Variants in FLT3 observed in about 807,000 individuals in gnomAD.
FLT3 encodes receptor-type tyrosine-protein kinase FLT3.
A neutral mutation model predicts 126.6 loss-of-function variants in FLT3; 46 were observed. The observed-to-expected ratio is 0.36, with a 90% CI of 0.29 to 0.46. FLT3 has a LOEUF of 0.46. Ranked by LOEUF, FLT3 falls within the 20% of genes least tolerant of loss-of-function variation. The pLI, the probability that FLT3 is intolerant of heterozygous loss-of-function variation, is 1.00. For missense variants in FLT3, 1,069 were observed against 1,190.3 expected, an observed-to-expected ratio of 0.90 and a Z score of 1.50; for synonymous variants, 404 against 434.4, an observed-to-expected ratio of 0.93 and a Z score of 0.87.
chr13:28,041,477 T>G (rs1874374358), intron 9 of FLT3, among the ~76,000 whole-genome samples: 1 of 152,220 alleles, frequency 6.6e-6, no homozygotes, highest in Admixed American at 6.5e-5. Context: ...GCTGTCTTAA[T>G]AGAGTGTGGT....
intron 4 of FLT3, among the ~76,000 whole-genome samples, chr13:28,054,306 T>G (rs1875810424): frequency 6.6e-6 from 1 of 152,154 alleles, no homozygotes; most frequent in Non-Finnish European, 1.5e-5. Context: ...TTAATTTAAT[T>G]TCTCCATTAT....
Position 28,030,451 on chromosome 13 carries a change from T to C in FLT3, c.1943-2163A>G, listed in dbSNP as rs183019788. On this transcript the variant is annotated intron_variant, in intron 15 of 23. Transcript: ENST00000241453. ...TGAGTGCCTACTCTGTAAGAGCCAA[T>C]GTCCTAGACACTGGGGAATGAAGGA... Among the ~76,000 whole-genome samples, 96 of 152,332 alleles carry C rather than the reference T, an allele frequency of 6.3e-4. 1 individual carries two copies. The East Asian group carries it at 0.015, about 24-fold the overall frequency.
intron 15 of FLT3, among the ~76,000 whole-genome samples, chr13:28,030,576 G>A (rs987344441): frequency 5.3e-5 from 8 of 152,116 alleles, no homozygotes; most frequent in African/African-American, 9.7e-5. Context: ...AATGCAATAC[G>A]GCAGGCAAGA....
At chr13:28,091,316 G>A (rs572103525) in intron 1 of FLT3, among the ~76,000 whole-genome samples, 38 of 134,616 alleles carry the variant, frequency 2.8e-4, no homozygotes, top group East Asian at 1.4e-3. Context: ...CCGCCTCCCG[G>A]GTTCACGCCA....
At chr13:28,046,810 G>A (rs932901521) in intron 9 of FLT3, among the ~76,000 whole-genome samples, 2 of 151,996 alleles carry the variant, frequency 1.3e-5, no homozygotes, top group Non-Finnish European at 2.9e-5. Context: ...TATCCAGGCT[G>A]GTCTCAAACT....
At position 28,049,389 on chromosome 13, in the gene FLT3, A is replaced by G. The variant is rs567771805; in HGVS notation, c.1031T>C (p.Ile344Thr). The G allele has an allele frequency of 1.1e-5, 17 of 1,613,368 alleles. No homozygotes were observed. The South Asian group carries it at 1.7e-4, about 16-fold the overall frequency. The change falls in exon 8 of 24, where the codon ATC (isoleucine) becomes ACC (threonine). Residue 344 changes from isoleucine to threonine, a missense_variant. Ile to Thr is a moderately conservative substitution (Grantham distance 89, BLOSUM62 -1). Coordinates refer to ENST00000241453, the MANE Select transcript of FLT3 (RefSeq NM_004119.3). The part of the protein sequence containing the change: ...KHPSQSALVT[I>T]VEKGFINATN... ...GTGTGAGCAGCCTGCATTACCTACG[A>G]TGGTAACCAAAGCTGATTGACTGGG...
chr13:28,067,032 T>A (rs1877098822), intron 2 of FLT3, among the ~76,000 whole-genome samples: 1 of 152,194 alleles, frequency 6.6e-6, no homozygotes, highest in South Asian at 2.1e-4. Flanking sequence ...CCTGGGAAAT[T>A]CTTGCCAGAA....
chr13:28,011,361 G>A (rs1270535424), intron 23 of FLT3, among the ~76,000 whole-genome samples: 2 of 150,960 alleles, frequency 1.3e-5, no homozygotes, highest in East Asian at 2.0e-4. Context: ...GGGGAGGGGA[G>A]GAGAGAAGAT....
At chr13:28,079,327 T>C (rs1878170674) in intron 1 of FLT3, among the ~76,000 whole-genome samples, 1 of 152,186 alleles carries the variant, frequency 6.6e-6, no homozygotes, top group South Asian at 2.1e-4. Flanking sequence ...ATTGTTCGTA[T>C]CACTATCAGG....
intron 1 of FLT3, among the ~76,000 whole-genome samples, chr13:28,093,904 A>G (rs144048803): frequency 4.9e-4 from 74 of 152,122 alleles, no homozygotes; most frequent in African/African-American, 1.7e-3. Flanking sequence ...ACATCTGTGG[A>G]AGGAGGAAGG....
In FLT3 at chr13:28,073,070, G is replaced by C. The variant is rs185328997; in HGVS notation, c.44-2458C>G. ...TAAAAGCATTTTTTGGCCGAGCCTG[G>C]TGGCTCATGTCTGTAATCCCAGCAC... On this transcript the variant is annotated intron_variant, in intron 1 of 23. Transcript: ENST00000241453. Among the ~76,000 whole-genome samples, 50 of 152,176 alleles carry C rather than the reference G, an allele frequency of 3.3e-4. No homozygotes were observed. In the East Asian group the frequency reaches 8.3e-3, roughly 25 times the overall value.
At chr13:28,087,646 G>T (rs1878762262) in intron 1 of FLT3, among the ~76,000 whole-genome samples, 1 of 151,968 alleles carries the variant, frequency 6.6e-6, no homozygotes, top group African/African-American at 2.4e-5. Flanking sequence ...CTCCTTTAGG[G>T]ACTCTAATTA....
At chr13:28,061,440 GT>G (rs1876552507) in intron 3 of FLT3, among the ~76,000 whole-genome samples, 1 of 151,934 alleles carries the variant, frequency 6.6e-6, no homozygotes, top group Admixed American at 6.6e-5. Flanking sequence ...TGTATTTTTA[GT>G]TCATTATTTC....
intron 1 of FLT3, among the ~76,000 whole-genome samples, chr13:28,096,347 T>A (rs905710031): frequency 1.3e-5 from 2 of 151,978 alleles, no homozygotes; most frequent in Non-Finnish European, 2.9e-5. Flanking sequence ...GGGCCAGGTC[T>A]TGTCTCAAAA....
At chr13:28,040,176 C>T (rs1290783266) in intron 9 of FLT3, among the ~76,000 whole-genome samples, 1 of 152,138 alleles carries the variant, frequency 6.6e-6, no homozygotes, top group East Asian at 1.9e-4. Context: ...TTTCTGTTCT[C>T]ACAGAATTTA....
At chr13:28,091,052 T>C (rs189530061) in intron 1 of FLT3, among the ~76,000 whole-genome samples, 54 of 152,064 alleles carry the variant, frequency 3.6e-4, no homozygotes, top group South Asian at 1.7e-3. Flanking sequence ...TTACACATCA[T>C]GAAACAAACC....
Position 28,003,445 on chromosome 13 carries a change from A to G in FLT3, c.*607T>C, listed in dbSNP as rs73436930. 242 of 234,232 alleles carry G rather than the reference A, an allele frequency of 1.0e-3. No homozygotes were observed. The highest frequency in any genetic ancestry group is 5.0e-3 in the African/African-American group (225 of 45,442). The allele number at this position is 234,232 out of a possible 1,614,324, so 14.5% of individuals were successfully genotyped here. A position where few individuals can be genotyped will look rare whatever the true frequency, so the allele number is the denominator to read the frequency against. On this transcript the variant is annotated 3_prime_UTR_variant, in exon 24 of 24. Coordinates refer to ENST00000241453, the MANE Select transcript of FLT3 (RefSeq NM_004119.3). ...CAACCCCTGTTGTTGCAGAAATCTT[A>G]GGCTGTGACAACCATAGCTGCCTAC...
In FLT3 at chr13:28,028,282, G is replaced by T. The variant is rs1271652776; in HGVS notation, c.1949C>A (p.Ala650Glu). ...QVAVKMLKEK[A>E]DSSEREALMS... ...GAGTGCCTCTCTTTCAGAGCTGTCTGCTTTTTCTGTCAAAGAAAGGAGCAT... is the reference window on the plus strand; with the variant it reads ...GAGTGCCTCTCTTTCAGAGCTGTCTTCTTTTTCTGTCAAAGAAAGGAGCAT... The change falls in exon 16 of 24, where the codon GCA becomes GAA. Residue 650 changes from alanine to glutamate, a missense_variant. Coordinates refer to ENST00000241453, the MANE Select transcript of FLT3 (RefSeq NM_004119.3). 1 of 1,555,196 alleles carries T rather than the reference G, an allele frequency of 6.4e-7. No homozygotes were observed. Among genetic ancestry groups the T allele is most frequent in the African/African-American group, 1.4e-5 (1 of 73,818 alleles).
chr13:28,044,003 G>A (rs1046215759), intron 9 of FLT3, among the ~76,000 whole-genome samples: 2 of 150,014 alleles, frequency 1.3e-5, no homozygotes, highest in Non-Finnish European at 3.0e-5. Flanking sequence ...CCAGCTACTC[G>A]AGAGGCTGAG....
Sources: allele counts gnomAD v4.1 joint callset (sites outside exome capture counted in the v4.1 genomes callset), GRCh38; gene constraint gnomAD v4.1.1; transcripts MANE v1.5; gene names NCBI Gene and HGNC (gene_info 2026-07-23, HGNC 2026-07-21).